Variants in KCNH1 observed in about 807,000 individuals in gnomAD.
The protein encoded by KCNH1 is voltage-gated delayed rectifier potassium channel KCNH1.
A neutral mutation model predicts 69.2 loss-of-function variants in KCNH1; 27 were observed. The ratio of observed to expected loss-of-function variants is 0.39; its 90% CI spans 0.29 to 0.54. KCNH1 has a LOEUF of 0.54. Among genes scored for constraint, KCNH1 ranks in the 20% least tolerant of loss-of-function variants. The probability of loss-of-function intolerance (pLI) is 0.68; values close to 1 mark genes in which losing one functional copy is unlikely to be tolerated. For synonymous variants in KCNH1, 456 were observed against 487.7 expected (o/e 0.93, Z 0.86); for missense variants, 798 against 1,261.6 (o/e 0.63, Z 5.57).
At chr1:210,853,298 T>C (rs1685749844) in intron 7 of KCNH1, among the ~76,000 whole-genome samples, 2 of 152,146 alleles carry the variant, frequency 1.3e-5, no homozygotes, top group South Asian at 4.1e-4. Flanking sequence ...GCCCATGGTA[T>C]AGAGCATAGC....
intron 6 of KCNH1, among the ~76,000 whole-genome samples, chr1:210,958,341 ATTT>A (rs1035809482): frequency 6.6e-6 from 1 of 151,932 alleles, no homozygotes; most frequent in African/African-American, 2.4e-5. Flanking sequence ...TGCCCTTAAC[ATTT>A]TTTCCTTCAT....
intron 6 of KCNH1, among the ~76,000 whole-genome samples, chr1:211,017,173 A>G (rs183378486): frequency 1.6e-3 from 250 of 152,244 alleles, no homozygotes; most frequent in Middle Eastern, 3.4e-3. Flanking sequence ...CATTGGCAGC[A>G]TTTTGTAGGA....
At chr1:210,823,964 C>CTTTTTG (rs145869968) in intron 7 of KCNH1, among the ~76,000 whole-genome samples, 9 of 56,328 alleles carry the variant, frequency 1.6e-4, no homozygotes, top group Admixed American at 1.4e-3. Context: ...GGCTTTTTTA[C>CTTTTTG]TTGTTGTTGT....
chr1:210,988,274 T>C (rs1688880707), intron 6 of KCNH1, among the ~76,000 whole-genome samples: 1 of 152,162 alleles, frequency 6.6e-6, no homozygotes, highest in South Asian at 2.1e-4. Context: ...ACACATGGTG[T>C]GCTGCACCCA....
intron 6 of KCNH1, among the ~76,000 whole-genome samples, chr1:211,016,508 T>C (rs1689494014): frequency 6.6e-6 from 1 of 152,204 alleles, no homozygotes; most frequent in Non-Finnish European, 1.5e-5. Context: ...TCTTTTAGAT[T>C]CAGATAATTT....
chr1:210,862,207 A>T, intron 7 of KCNH1: 1 of 1,215,344 alleles, frequency 8.2e-7, no homozygotes, highest in African/African-American at 1.5e-5. Flanking sequence ...TGCTTCATTG[A>T]GCTGGCGCTC....
At chr1:211,073,441 G>A (rs1196265213) in intron 5 of KCNH1, among the ~76,000 whole-genome samples, 1 of 152,128 alleles carries the variant, frequency 6.6e-6, no homozygotes, top group Non-Finnish European at 1.5e-5. Context: ...AAGGTCACAT[G>A]GAACATTCAC....
chr1:210,960,933 C>T (rs1010547745), intron 6 of KCNH1, among the ~76,000 whole-genome samples: 2 of 152,088 alleles, frequency 1.3e-5, no homozygotes, highest in African/African-American at 4.8e-5. Flanking sequence ...TAATTTTAAC[C>T]ATTCTAATAG....
At chr1:210,884,157 T>G (rs927087292) in intron 7 of KCNH1, among the ~76,000 whole-genome samples, 2 of 152,280 alleles carry the variant, frequency 1.3e-5, no homozygotes, top group Admixed American at 1.3e-4. Context: ...GCCATGGTCA[T>G]TACCCTTTGA....
At chr1:211,049,651 C>T (rs1000357485) in intron 5 of KCNH1, among the ~76,000 whole-genome samples, 1 of 152,072 alleles carries the variant, frequency 6.6e-6, no homozygotes, top group Non-Finnish European at 1.5e-5. Context: ...AACTGGGCAG[C>T]AGTGTGGAGG....
At chr1:211,121,795 T>G (rs1691689999) in intron 1 of KCNH1, among the ~76,000 whole-genome samples, 1 of 152,202 alleles carries the variant, frequency 6.6e-6, no homozygotes, top group Admixed American at 6.5e-5. Flanking sequence ...GACAAAGGTC[T>G]AATATCCAGA....
intron 7 of KCNH1, among the ~76,000 whole-genome samples, chr1:210,864,082 T>C (rs954703961): frequency 4.6e-5 from 7 of 152,208 alleles, no homozygotes; most frequent in African/African-American, 1.4e-4. Context: ...AGAGCTAATT[T>C]ACAGGAAACA....
intron 8 of KCNH1, 49 bp downstream of exon 8, chr1:210,803,918 A>T: frequency 6.4e-7 from 1 of 1,555,078 alleles, no homozygotes; most frequent in Non-Finnish European, 8.8e-7. Context: ...CAACCCTCCT[A>T]GGGAAACCAA....
intron 6 of KCNH1, among the ~76,000 whole-genome samples, chr1:210,940,051 C>T (rs1447195693): frequency 6.6e-6 from 1 of 152,208 alleles, no homozygotes; most frequent in African/African-American, 2.4e-5. Flanking sequence ...TCCCACTACT[C>T]TGAGAACTAC....
At chr1:210,922,614 T>C (rs1386120057) in intron 6 of KCNH1, among the ~76,000 whole-genome samples, 4 of 152,066 alleles carry the variant, frequency 2.6e-5, no homozygotes, top group Non-Finnish European at 5.9e-5. Context: ...CTCCCCTGAG[T>C]CTCTTTTTCC....
chr1:211,095,280 G>A (rs1571642675), intron 3 of KCNH1, among the ~76,000 whole-genome samples: 1 of 152,212 alleles, frequency 6.6e-6, no homozygotes, highest in East Asian at 1.9e-4. Flanking sequence ...ACGGGTCAAT[G>A]TTAAATCCTT....
At chr1:211,127,879 G>A (rs1042559775) in intron 1 of KCNH1, among the ~76,000 whole-genome samples, 1 of 152,168 alleles carries the variant, frequency 6.6e-6, no homozygotes, top group Admixed American at 6.5e-5. Flanking sequence ...TGCTCCAAAA[G>A]ACATACTAAA....
chr1:210,878,369 A>G (rs993538178), intron 7 of KCNH1, among the ~76,000 whole-genome samples: 1 of 152,130 alleles, frequency 6.6e-6, no homozygotes, highest in African/African-American at 2.4e-5. Context: ...CACATGGAAC[A>G]TTCACCAAGA....
intron 7 of KCNH1, among the ~76,000 whole-genome samples, chr1:210,818,593 G>GAT (rs1276276007): frequency 6.6e-6 from 1 of 152,118 alleles, no homozygotes; most frequent in Non-Finnish European, 1.5e-5. Flanking sequence ...TAAATTTGAT[G>GAT]ATATATATAA....
Sources: allele counts gnomAD v4.1 joint callset (sites outside exome capture counted in the v4.1 genomes callset), GRCh38; gene constraint gnomAD v4.1.1; transcripts MANE v1.5; gene names NCBI Gene and HGNC (gene_info 2026-07-23, HGNC 2026-07-21).